The following TCF20 variants were observed in gnomAD, a reference collection of about 807,000 sequenced individuals.
The protein encoded by TCF20 is transcription factor 20.
In TCF20, 3 loss-of-function variants were observed where a neutral mutation model predicts 148.6. The observed-to-expected ratio is 0.02, with a 90% CI of 0.01 to 0.05. TCF20 has a LOEUF of 0.05. Ranked by LOEUF, TCF20 falls within the 10% of genes least tolerant of loss-of-function variation. TCF20 has a pLI of 1.00. For missense variants in TCF20, 2,350 were observed against 2,429.3 expected (o/e 0.97, Z 0.69); for synonymous variants, 1,049 against 909.5 (o/e 1.15, Z -2.76).
chr22:42,302,284 C>G (rs980521367), intron 1 of TCF20, among the ~76,000 whole-genome samples: 1 of 152,118 alleles, frequency 6.6e-6, no homozygotes, highest in Non-Finnish European at 1.5e-5. Context: ...GTGGCTGCAG[C>G]TGGGGGTCTC....
chr22:42,237,431 TC>T (rs1923987166), intron 1 of TCF20, among the ~76,000 whole-genome samples: 1 of 152,228 alleles, frequency 6.6e-6, no homozygotes, highest in African/African-American at 2.4e-5. Flanking sequence ...CATCTGCAGT[TC>T]CTGCCTCCAC....
At chr22:42,303,419 C>T (rs1927373722) in intron 1 of TCF20, among the ~76,000 whole-genome samples, 1 of 152,266 alleles carries the variant, frequency 6.6e-6, no homozygotes, top group Admixed American at 6.5e-5. Flanking sequence ...GTGGACACTC[C>T]GAGCGTTCGC....
At chr22:42,319,743 C>T (rs1190376919) in intron 1 of TCF20, among the ~76,000 whole-genome samples, 1 of 152,146 alleles carries the variant, frequency 6.6e-6, no homozygotes, top group African/African-American at 2.4e-5. Context: ...ACTCTGAGCC[C>T]TTCTTCACAC....
chr22:42,323,878 GTGGTGA>G (rs1440174197), intron 1 of TCF20, among the ~76,000 whole-genome samples: 1,301 of 95,102 alleles, frequency 0.014, 15 homozygotes, highest in South Asian at 0.027. Context: ...GGTGGTGGTG[GTGGTGA>G]TGGAGGTTAT....
intron 3 of TCF20, among the ~76,000 whole-genome samples, chr22:42,172,961 T>C (rs1369832302): frequency 1.3e-5 from 2 of 151,916 alleles, no homozygotes. Flanking sequence ...CAGACGGCTG[T>C]CCCCCGGGGA....
chr22:42,300,212 A>G (rs6002675), intron 1 of TCF20, among the ~76,000 whole-genome samples: 2 of 152,220 alleles, frequency 1.3e-5, no homozygotes, highest in Admixed American at 6.5e-5. Flanking sequence ...TGTTCCCCCA[A>G]GGAGAGCGGC....
At chr22:42,337,304 C>A (rs1291656230) in intron 1 of TCF20, among the ~76,000 whole-genome samples, 1 of 152,046 alleles carries the variant, frequency 6.6e-6, no homozygotes, top group Non-Finnish European at 1.5e-5. Flanking sequence ...CAAGCCCATA[C>A]CTCCCCCTCC....
chr22:42,180,828 A>G (rs1319408415), intron 2 of TCF20, among the ~76,000 whole-genome samples: 2 of 152,244 alleles, frequency 1.3e-5, no homozygotes, highest in African/African-American at 4.8e-5. Flanking sequence ...AACTTGTTCC[A>G]GGTCAGAGCT....
chr22:42,225,902 T>C (rs1216822476), intron 1 of TCF20, among the ~76,000 whole-genome samples: 8 of 152,192 alleles, frequency 5.3e-5, no homozygotes, highest in Non-Finnish European at 1.0e-4. Flanking sequence ...TTTTTGAGAA[T>C]CAGGCCTAAA....
At chr22:42,225,424 C>T (rs1240091306) in intron 1 of TCF20, among the ~76,000 whole-genome samples, 2 of 150,860 alleles carry the variant, frequency 1.3e-5, no homozygotes, top group Non-Finnish European at 3.0e-5. Context: ...ACCATCCTGG[C>T]TAACAAGGTG....
chr22:42,162,795 C>T (rs12166917), intron 5 of TCF20, among the ~76,000 whole-genome samples: 13 of 152,278 alleles, frequency 8.5e-5, no homozygotes, highest in East Asian at 1.9e-4. Flanking sequence ...ACTGCTAAGG[C>T]GGCTGGGGCC....
At chr22:42,323,968 ATG>A (rs2035149376) in intron 1 of TCF20, among the ~76,000 whole-genome samples, 1 of 4,742 alleles carries the variant, frequency 2.1e-4, no homozygotes, top group African/African-American at 1.2e-3. Context: ...GGTGGTGGTG[ATG>A]GTGGTGGTGG....
intron 2 of TCF20, among the ~76,000 whole-genome samples, chr22:42,185,592 A>C (rs188018430): frequency 6.6e-6 from 1 of 152,220 alleles, no homozygotes; most frequent in East Asian, 1.9e-4. Context: ...CCCAGCTATC[A>C]ATGCCAACTA....
Position 42,210,844 on chromosome 22 carries a change from G to T in TCF20, c.4462C>A (p.Pro1488Thr), listed in dbSNP as rs2147199522. 4 of 1,614,182 alleles carry T rather than the reference G, an allele frequency of 2.5e-6. No individual in the cohort carries two copies. In the East Asian group the frequency reaches 6.7e-5, roughly 27 times the overall value. Residue 1488 changes from proline (P) to threonine (T), a missense_variant, in exon 2 of 6, where the codon CCT becomes ACT. Physicochemically the swap from Pro to Thr is conservative, Grantham distance 38. Transcript: ENST00000677622. The surrounding 1 kb of genome is among the most constrained non-coding windows in gnomAD (Gnocchi z 4.7). The stretch of plus-strand genomic sequence containing the variant: ...TTCTTTGAGTCTGGAAAGATTAAAG[G>T]TGCTGTTCCACCCAGGGAACCATCT... ...RPDGSLGGTA[P>T]LIFPDSKNVP...
Position 42,216,214 on chromosome 22 carries a change from C to G in TCF20, c.-36-873G>C, listed in dbSNP as rs1921787291. 2.7e-5 allele frequency among the ~76,000 whole-genome samples: 4 copies of G among 149,470 alleles called. No individual in the cohort carries two copies. In the South Asian group the frequency reaches 8.5e-4, roughly 32 times the overall value. On this transcript the variant is annotated intron_variant, in intron 1 of 5. Coordinates refer to ENST00000677622, the MANE Select transcript of TCF20 (RefSeq NM_001378418.1). ...AAATGATCCTCCTGCCTCGGCCTCTCAAAGTTTTGGGACTACAGGCATAAG... is the reference window on the plus strand; with the variant it reads ...AAATGATCCTCCTGCCTCGGCCTCTGAAAGTTTTGGGACTACAGGCATAAG...
Position 42,243,309 on chromosome 22 carries a change from A to AC in TCF20, c.-37+27029_-37+27030insG, listed in dbSNP as rs1190016999. Among the ~76,000 whole-genome samples the AC allele has an allele frequency of 2.0e-4, 30 of 147,294 alleles. 1 individual carries two copies. The highest frequency in any genetic ancestry group is 6.4e-4 in the African/African-American group (26 of 40,416). ...CACTGTCTCAAAAAAAAAAAAAAAAAAAAAAAAAAAAAGTCAGGCATGATG... is the reference window on the plus strand; with the variant it reads ...CACTGTCTCAAAAAAAAAAAAAAAAACAAAAAAAAAAAAGTCAGGCATGATG... On this transcript the variant is annotated intron_variant, in intron 1 of 5. Coordinates refer to ENST00000677622, the MANE Select transcript of TCF20 (RefSeq NM_001378418.1).
intron 2 of TCF20, among the ~76,000 whole-genome samples, chr22:42,195,615 T>C (rs1937562413): frequency 6.6e-6 from 1 of 151,366 alleles, no homozygotes; most frequent in African/African-American, 2.4e-5. Flanking sequence ...TTCTCCCGCC[T>C]CAGCCTCCCC....
intron 1 of TCF20, among the ~76,000 whole-genome samples, chr22:42,313,248 A>C (rs1324114915): frequency 6.6e-6 from 1 of 152,230 alleles, no homozygotes; most frequent in African/African-American, 2.4e-5. Context: ...CCTGGTGCAC[A>C]GTAGGGTCTC....
chr22:42,272,058 T>C (rs1176346531), upstream of TCF20, among the ~76,000 whole-genome samples: 1 of 152,168 alleles, frequency 6.6e-6, no homozygotes, highest in Non-Finnish European at 1.5e-5. Context: ...CTGTCCAATC[T>C]CACAAAGTGG....
Sources: gnomAD v4.1 joint callset for allele counts (sites outside exome capture counted in the v4.1 genomes callset) on GRCh38, gnomAD v4.1.1 for gene constraint, Gnocchi (gnomAD v3.1) non-coding constraint, MANE v1.5 for transcripts, NCBI Gene and HGNC (gene_info 2026-07-23, HGNC 2026-07-21) for gene names.